The following DCC variants were observed in gnomAD, a reference collection of about 807,000 sequenced individuals.
DCC encodes the protein DCC netrin 1 receptor.
A neutral mutation model predicts 172.5 loss-of-function variants in DCC; 58 were observed. The observed-to-expected ratio is 0.34, with a 90% CI of 0.27 to 0.42. The LOEUF (loss-of-function observed/expected upper bound fraction) is 0.42, where lower values mean the gene tolerates loss of function less well. Ranked by LOEUF, DCC falls within the 10% of genes least tolerant of loss-of-function variation. The probability of loss-of-function intolerance (pLI) is 1.00; values close to 1 mark genes in which losing one functional copy is unlikely to be tolerated. For missense variants in DCC, 1,740 were observed against 1,791.0 expected, an observed-to-expected ratio of 0.97 and a Z score of 0.51; for synonymous variants, 709 against 644.5, an observed-to-expected ratio of 1.10 and a Z score of -1.52.
intron 7 of DCC, among the ~76,000 whole-genome samples, chr18:53,130,500 T>A (rs2043635261): frequency 6.6e-6 from 1 of 152,132 alleles, no homozygotes; most frequent in African/African-American, 2.4e-5. Flanking sequence ...TCTCCAAGTC[T>A]AGGGATTTTA....
intron 1 of DCC, among the ~76,000 whole-genome samples, chr18:52,450,588 C>A (rs754268261): frequency 6.6e-6 from 1 of 152,156 alleles, no homozygotes; most frequent in East Asian, 1.9e-4. Context: ...GTTTGGCCTG[C>A]CCAAACGTTT....
intron 1 of DCC, among the ~76,000 whole-genome samples, chr18:52,520,031 G>A (rs928835455): frequency 2.0e-5 from 3 of 152,138 alleles, no homozygotes; most frequent in African/African-American, 2.4e-5. Flanking sequence ...AGAAAGCAGA[G>A]GTTTGCAAGT....
intron 5 of DCC, among the ~76,000 whole-genome samples, chr18:53,012,499 G>A (rs1178121923): frequency 6.6e-6 from 1 of 151,986 alleles, no homozygotes; most frequent in Non-Finnish European, 1.5e-5. Context: ...TCAGAATAGA[G>A]GTTATTCCAG....
At chr18:53,468,513 G>A (rs1204875898) in intron 25 of DCC, among the ~76,000 whole-genome samples, 1 of 151,914 alleles carries the variant, frequency 6.6e-6, no homozygotes, top group Non-Finnish European at 1.5e-5. Context: ...CTTCCAAGAA[G>A]CTGGGACTAC....
intron 25 of DCC, among the ~76,000 whole-genome samples, chr18:53,473,537 A>C (rs2045724563): frequency 6.6e-6 from 1 of 152,214 alleles, no homozygotes; most frequent in Admixed American, 6.5e-5. Context: ...TAAGAGGCTT[A>C]GAAAGAGAAA....
intron 1 of DCC, among the ~76,000 whole-genome samples, chr18:52,596,217 T>G (rs1436993546): frequency 2.0e-5 from 3 of 152,186 alleles, no homozygotes; most frequent in African/African-American, 7.2e-5. Flanking sequence ...TATAAGAATT[T>G]CCAAGTAATG....
chr18:52,886,674 G>A (rs1469739836), intron 2 of DCC, among the ~76,000 whole-genome samples: 1 of 152,106 alleles, frequency 6.6e-6, no homozygotes, highest in African/African-American at 2.4e-5. Flanking sequence ...AAGGGGGAGG[G>A]ATGGTGTTGA....
intron 1 of DCC, among the ~76,000 whole-genome samples, chr18:52,595,386 G>A (rs2033888076): frequency 1.3e-5 from 2 of 152,252 alleles, no homozygotes; most frequent in East Asian, 1.9e-4. Context: ...GTAACACTCT[G>A]TTCCTCATTA....
At chr18:53,105,059 G>A (rs1373139339) in intron 7 of DCC, among the ~76,000 whole-genome samples, 1 of 151,920 alleles carries the variant, frequency 6.6e-6, no homozygotes. Flanking sequence ...TACTGGAAAT[G>A]GTACTATTTG....
chr18:53,493,412 A>C (rs767955305), intron 26 of DCC, among the ~76,000 whole-genome samples: 1 of 152,200 alleles, frequency 6.6e-6, no homozygotes, highest in South Asian at 2.1e-4. Flanking sequence ...GCCAGTTTTC[A>C]AAGGGAATGC....
intron 5 of DCC, among the ~76,000 whole-genome samples, chr18:52,971,773 AG>A (rs2041034568): frequency 6.6e-6 from 1 of 152,180 alleles, no homozygotes; most frequent in African/African-American, 2.4e-5. Flanking sequence ...CCTAAGGCAG[AG>A]AGAAGTCAAG....
intron 2 of DCC, among the ~76,000 whole-genome samples, chr18:52,829,599 C>T (rs536515814): frequency 1.5e-3 from 226 of 152,198 alleles, no homozygotes; most frequent in Non-Finnish European, 2.3e-3. Context: ...TGACAGGACC[C>T]CACTACTCAG....
chr18:52,540,710 C>A, intron 1 of DCC, among the ~76,000 whole-genome samples: 1 of 143,668 alleles, frequency 7.0e-6, no homozygotes, highest in East Asian at 2.1e-4. Flanking sequence ...GGGTTCATGC[C>A]ATTCTCCTGC....
At chr18:53,189,627 GT>G (rs1316079029) in intron 9 of DCC, among the ~76,000 whole-genome samples, 1 of 152,074 alleles carries the variant, frequency 6.6e-6, no homozygotes, top group African/African-American at 2.4e-5. Flanking sequence ...GACATCCCTA[GT>G]GTCCTTAAAA....
intron 3 of DCC, among the ~76,000 whole-genome samples, chr18:52,918,501 G>A (rs553163367): frequency 2.0e-5 from 3 of 152,136 alleles, no homozygotes; most frequent in South Asian, 2.1e-4. Flanking sequence ...TTTTATAATT[G>A]TTTGCTCCTG....
chr18:53,502,029 T>C (rs1231723951), intron 27 of DCC, among the ~76,000 whole-genome samples: 2 of 152,200 alleles, frequency 1.3e-5, no homozygotes, highest in African/African-American at 2.4e-5. Context: ...AATAAGCATG[T>C]CTGAAGAGCC....
At chr18:53,102,696 T>C (rs2043190844) in intron 7 of DCC, among the ~76,000 whole-genome samples, 1 of 152,110 alleles carries the variant, frequency 6.6e-6, no homozygotes, top group South Asian at 2.1e-4. Context: ...ATAAATCCCT[T>C]AACTGCTGAC....
intron 2 of DCC, among the ~76,000 whole-genome samples, chr18:52,758,486 T>A (rs964495437): frequency 3.9e-5 from 6 of 152,196 alleles, no homozygotes; most frequent in Non-Finnish European, 7.4e-5. Flanking sequence ...ATAATTAAAA[T>A]TCCCCTGTGT....
intron 2 of DCC, among the ~76,000 whole-genome samples, chr18:52,880,501 C>T (rs1364081718): frequency 6.6e-6 from 1 of 152,120 alleles, no homozygotes; most frequent in African/African-American, 2.4e-5. Context: ...CCCACTTCCC[C>T]CTGAAACCCC....
Sources: allele counts gnomAD v4.1 joint callset (sites outside exome capture counted in the v4.1 genomes callset), GRCh38; gene constraint gnomAD v4.1.1; transcripts MANE v1.5; gene names NCBI Gene and HGNC (gene_info 2026-07-23, HGNC 2026-07-21).